Variants in GLCCI1 observed in about 807,000 individuals in gnomAD.
The protein encoded by GLCCI1 is glucocorticoid induced 1, also known as glucocorticoid-induced transcript 1 protein.
In GLCCI1, 24 loss-of-function variants were observed where a neutral mutation model predicts 52.2. That is an observed-to-expected ratio of 0.46 (90% CI 0.33 to 0.65). GLCCI1 has a LOEUF of 0.65. Among genes scored for constraint, GLCCI1 ranks in the 30% least tolerant of loss-of-function variants. The probability of loss-of-function intolerance (pLI) is 0.02; values close to 1 mark genes in which losing one functional copy is unlikely to be tolerated. For missense variants in GLCCI1, 704 were observed against 701.5 expected (o/e 1.00, Z -0.04); for synonymous variants, 310 against 276.5 (o/e 1.12, Z -1.20).
chr7:7,973,663 C>T (rs182593722), intron 1 of GLCCI1, among the ~76,000 whole-genome samples: 3 of 151,942 alleles, frequency 2.0e-5, no homozygotes, highest in Admixed American at 6.5e-5. Context: ...TAATACTCTA[C>T]CAGATTGCTA....
chr7:8,076,760 A>G (rs1442409611), intron 6 of GLCCI1, among the ~76,000 whole-genome samples: 1 of 152,212 alleles, frequency 6.6e-6, no homozygotes, highest in Non-Finnish European at 1.5e-5. Context: ...ACAAGAGTAA[A>G]TGACCATATT....
At chr7:7,996,782 G>C (rs1351897665) in intron 1 of GLCCI1, among the ~76,000 whole-genome samples, 1 of 152,172 alleles carries the variant, frequency 6.6e-6, no homozygotes, top group African/African-American at 2.4e-5. Context: ...TTTCTTTCCA[G>C]ATTCTGCAGG....
intron 3 of GLCCI1, among the ~76,000 whole-genome samples, chr7:8,051,796 G>A (rs1045408208): frequency 3.9e-5 from 6 of 152,174 alleles, no homozygotes; most frequent in Admixed American, 3.3e-4. Context: ...ACCTGTTCAA[G>A]TCTTTTGCCT....
intron 3 of GLCCI1, among the ~76,000 whole-genome samples, chr7:8,023,588 C>CCTTTTTTTTTTTTTTTTTTTTTTTTT (rs1781543370): frequency 2.4e-5 from 1 of 41,984 alleles, no homozygotes; most frequent in African/African-American, 1.0e-4. Flanking sequence ...CTCTGTTATT[C>CCTTTTTTTTTTTTTTTTTTTTTTTTT]TTTTTTTTTT....
chr7:8,037,100 C>CTATCT (rs59475860), intron 3 of GLCCI1, among the ~76,000 whole-genome samples: 95,025 of 151,742 alleles, frequency 0.63, 30,470 homozygotes, highest in African/African-American at 0.78. Context: ...AGTCTTCAGA[C>CTATCT]AAAGTCAGTG....
At chr7:8,057,203 A>G (rs910981616) in intron 4 of GLCCI1, among the ~76,000 whole-genome samples, 1 of 152,170 alleles carries the variant, frequency 6.6e-6, no homozygotes, top group South Asian at 2.1e-4. Flanking sequence ...TTTGATATCA[A>G]TCCATGAGAA....
chr7:8,014,906 T>G (rs542145773), intron 2 of GLCCI1, among the ~76,000 whole-genome samples: 5 of 152,340 alleles, frequency 3.3e-5, no homozygotes, highest in Non-Finnish European at 7.4e-5. Context: ...TGTTTTAAAT[T>G]AATTTTTAAA....
chr7:8,070,096 G>C (rs781064849), intron 5 of GLCCI1: 2 of 152,210 alleles, frequency 1.3e-5, no homozygotes, highest in Non-Finnish European at 2.9e-5. Flanking sequence ...CAGAATCTCT[G>C]ATGCCACTTA....
intron 3 of GLCCI1, among the ~76,000 whole-genome samples, chr7:8,033,389 A>G (rs1360684112): frequency 6.6e-6 from 1 of 152,144 alleles, no homozygotes. Flanking sequence ...TCATTACTGT[A>G]CAGGAGATTC....
chr7:8,020,646 C>CT (rs1181912692), intron 2 of GLCCI1, among the ~76,000 whole-genome samples: 18 of 152,032 alleles, frequency 1.2e-4, no homozygotes, highest in Non-Finnish European at 2.4e-4. Flanking sequence ...GAATGTAATT[C>CT]ATATTATAAA....
intron 6 of GLCCI1, among the ~76,000 whole-genome samples, chr7:8,080,443 T>TAGTA (rs1291694013): frequency 2.6e-5 from 4 of 151,504 alleles, no homozygotes; most frequent in Admixed American, 2.6e-4. Context: ...TTTCTTTGCA[T>TAGTA]AGTAGTCTAT....
intron 2 of GLCCI1, among the ~76,000 whole-genome samples, chr7:8,019,500 G>T (rs1460151457): frequency 6.6e-6 from 1 of 152,088 alleles, no homozygotes; most frequent in African/African-American, 2.4e-5. Context: ...GCATTCTATA[G>T]TTACATGATT....
chr7:8,087,661 C>T lies in GLCCI1; in HGVS notation c.*1123C>T, dbSNP rs930264388. 26 of 152,504 alleles carry T rather than the reference C, an allele frequency of 1.7e-4. No individual in the cohort carries two copies. Among genetic ancestry groups the T allele is most frequent in the African/African-American group, 6.0e-4 (25 of 41,392 alleles). 9.4% of individuals were successfully genotyped at this position (152,504 alleles called of 1,614,324 possible). ...GTGACATACTTTTTGTTATTGTCTT[C>T]CTCAAGCAGTTTAGGTGCATGATCT... On this transcript the variant is annotated 3_prime_UTR_variant, in exon 8 of 8. Coordinates refer to ENST00000223145, the MANE Select transcript of GLCCI1 (RefSeq NM_138426.4).
intron 1 of GLCCI1, among the ~76,000 whole-genome samples, chr7:7,992,454 G>A (rs1486424804): frequency 4.0e-5 from 6 of 151,882 alleles, no homozygotes; most frequent in African/African-American, 9.7e-5. Flanking sequence ...ACAATATTCC[G>A]TAAGTTCTTG....
intron 6 of GLCCI1, 112 bp from the exon 7 acceptor site, chr7:8,084,785 G>C (rs944963184): frequency 9.8e-6 from 10 of 1,022,410 alleles, no homozygotes; most frequent in Admixed American, 4.9e-5. Flanking sequence ...AAAGGAGACT[G>C]GTCAAAGCAT....
intron 1 of GLCCI1, among the ~76,000 whole-genome samples, chr7:7,994,064 G>T (rs975923605): frequency 4.6e-5 from 7 of 152,112 alleles, no homozygotes; most frequent in Non-Finnish European, 1.0e-4. Flanking sequence ...GACCAGCATG[G>T]CCAACATAGT....
intron 6 of GLCCI1, among the ~76,000 whole-genome samples, chr7:8,072,882 G>C (rs1782793968): frequency 6.6e-6 from 1 of 152,118 alleles, no homozygotes; most frequent in African/African-American, 2.4e-5. Context: ...AAAATGTATT[G>C]AGAGGATGGT....
intron 1 of GLCCI1, among the ~76,000 whole-genome samples, chr7:7,976,690 T>TG (rs945900362): frequency 2.0e-5 from 3 of 151,646 alleles, no homozygotes; most frequent in Non-Finnish European, 4.4e-5. Flanking sequence ...GGCAGGCAGA[T>TG]GGCTTGAGTT....
rs2079854 is a variant in GLCCI1, at chr7:8,067,970, T to G, written c.967-2951T>G. Among the ~76,000 whole-genome samples, 859 of 152,320 alleles carry G rather than the reference T, an allele frequency of 5.6e-3. 4 individuals are homozygous for G. Among genetic ancestry groups the G allele is most frequent in the African/African-American group, 0.019 (802 of 41,576 alleles). On this transcript the variant is annotated intron_variant, in intron 5 of 7. Coordinates refer to ENST00000223145, the MANE Select transcript of GLCCI1 (RefSeq NM_138426.4). ...TTCTAAGTTGCTTGCTTTCTCCTCA[T>G]CATTTTTAGGGATGCCAGTGCATCG... is the stretch of plus-strand genomic sequence containing the variant.
Sources: allele counts gnomAD v4.1 joint callset (sites outside exome capture counted in the v4.1 genomes callset), GRCh38; gene constraint gnomAD v4.1.1; transcripts MANE v1.5; gene names NCBI Gene and HGNC (gene_info 2026-07-23, HGNC 2026-07-21).